The following SMARCAL1 variants were observed in gnomAD, a reference collection of about 807,000 sequenced individuals.
The protein encoded by SMARCAL1 is ATP-driven annealing helicase.
SMARCAL1 carries 58 observed loss-of-function variants against 94.5 expected under a neutral mutation model. The observed-to-expected ratio is 0.61, with a 90% CI of 0.50 to 0.76. The LOEUF (loss-of-function observed/expected upper bound fraction) is 0.76. Ranked by LOEUF, SMARCAL1 falls within the 30% of genes least tolerant of loss-of-function variation. SMARCAL1 has a pLI of 0.00. For missense variants in SMARCAL1, 1,051 were observed against 1,177.9 expected (o/e 0.89, Z 1.58); for synonymous variants, 422 against 455.1 (o/e 0.93, Z 0.93).
At chr2:216,428,015 G>A (rs185484017) in intron 6 of SMARCAL1, among the ~76,000 whole-genome samples, 31 of 152,332 alleles carry the variant, frequency 2.0e-4, no homozygotes, top group African/African-American at 7.0e-4. Flanking sequence ...CTGACTCCCA[G>A]AGTGCCCTTG....
rs369722586 is a variant in SMARCAL1 at position 216,482,990 on chromosome 2, GA to G, written c.*20del. On this transcript the variant is annotated 3_prime_UTR_variant, in exon 18 of 18. Transcript: ENST00000357276. The surrounding 1 kb of genome is among the most constrained non-coding windows in gnomAD (Gnocchi z 4.3). The stretch of plus-strand genomic sequence containing the variant: ...GTCTCCCCTGTAAAAGGGGCAAAAA[GA>G]AAAAAATAAAAAGCATTTTAAAATC... 5.7e-4 allele frequency: 912 copies of G among 1,606,872 alleles called. 3 individuals carry two copies. The African/African-American group carries it at 0.011, about 20-fold the overall frequency.
intron 5 of SMARCAL1, 119 bp downstream of exon 5, chr2:216,420,651 C>G (rs1693699727): frequency 6.5e-6 from 5 of 773,802 alleles, no homozygotes; most frequent in Non-Finnish European, 1.1e-5. Context: ...ACTTCCTGTT[C>G]TGCTCCTCTT....
chr2:216,437,175 AT>A (rs1694098359), intron 9 of SMARCAL1, among the ~76,000 whole-genome samples: 1 of 152,192 alleles, frequency 6.6e-6, no homozygotes, highest in African/African-American at 2.4e-5. Context: ...GTATTGGCAC[AT>A]TTTTACCCAT....
intron 9 of SMARCAL1, among the ~76,000 whole-genome samples, chr2:216,437,461 G>A (rs1373933452): frequency 6.6e-6 from 1 of 152,186 alleles, no homozygotes; most frequent in African/African-American, 2.4e-5. Flanking sequence ...GATCTCACTG[G>A]TATCCCAGCT....
chr2:216,481,986 CACT>C (rs543469395), intron 17 of SMARCAL1, among the ~76,000 whole-genome samples: 59 of 152,148 alleles, frequency 3.9e-4, no homozygotes, highest in Non-Finnish European at 6.9e-4. Flanking sequence ...ATGGTTTTAA[CACT>C]ACACCATTGT....
Position 216,415,364 on chromosome 2 carries a change from A to C in SMARCAL1, c.660A>C (p.Gly220=). ...AGAGTGTAACGCCCAGGACAGAAGG[A>C]AGACTCCAGCAGAAGTCAGGGTCCT... The part of the protein sequence containing the change: ...SSESVTPRTE[G]RLQQKSGSSV... Residue 220 remains glycine (G), a synonymous_variant, in exon 3 of 18, where the codon GGA becomes GGC. Transcript: ENST00000357276. The C allele has an allele frequency of 6.2e-7, 1 of 1,614,234 alleles. No individual in the cohort carries two copies. The highest frequency in any genetic ancestry group is 8.5e-7 in the Non-Finnish European group (1 of 1,180,042).
chr2:216,447,917 G>A (rs1184638291), intron 11 of SMARCAL1, among the ~76,000 whole-genome samples: 14 of 152,178 alleles, frequency 9.2e-5, no homozygotes, highest in Non-Finnish European at 1.9e-4. Flanking sequence ...AGTCACAAAG[G>A]TACTGGCACT....
intron 17 of SMARCAL1, chr2:216,479,373 T>A (rs1435084991): frequency 6.6e-6 from 1 of 151,444 alleles, no homozygotes; most frequent in Non-Finnish European, 1.5e-5. Flanking sequence ...AGGTCAAGGC[T>A]GTAGTTAGCC....
intron 14 of SMARCAL1, among the ~76,000 whole-genome samples, chr2:216,470,436 T>G (rs1694938130): frequency 6.6e-6 from 1 of 151,946 alleles, no homozygotes; most frequent in African/African-American, 2.4e-5. Flanking sequence ...ATTACAGATG[T>G]GAGCCACCAG....
intron 7 of SMARCAL1, among the ~76,000 whole-genome samples, chr2:216,429,039 G>C (rs1261896674): frequency 6.6e-6 from 1 of 152,232 alleles, no homozygotes; most frequent in Non-Finnish European, 1.5e-5. Flanking sequence ...CTTAAGGAAA[G>C]AGATTTCTCA....
intron 10 of SMARCAL1, among the ~76,000 whole-genome samples, chr2:216,444,727 G>A (rs1694266979): frequency 6.6e-6 from 1 of 152,172 alleles, no homozygotes; most frequent in African/African-American, 2.4e-5. Flanking sequence ...ATGTTGGCCA[G>A]GTTGGTCTCG....
intron 16 of SMARCAL1, 64 bp downstream of exon 16, chr2:216,477,273 T>A: frequency 8.3e-7 from 1 of 1,202,786 alleles, no homozygotes; most frequent in South Asian, 1.3e-5. Context: ...ATGATATGTT[T>A]ACTTTGCTCC....
chr2:216,450,470 T>C (rs1316801470), intron 11 of SMARCAL1, among the ~76,000 whole-genome samples: 1 of 152,242 alleles, frequency 6.6e-6, no homozygotes, highest in Non-Finnish European at 1.5e-5. Flanking sequence ...CTCTGTAGGA[T>C]AAGCCATAGG....
intron 12 of SMARCAL1, among the ~76,000 whole-genome samples, chr2:216,459,941 C>A (rs1036967084): frequency 5.3e-5 from 8 of 152,176 alleles, no homozygotes; most frequent in Non-Finnish European, 8.8e-5. Flanking sequence ...ACTCATCTGA[C>A]AAAGGGCTAA....
chr2:216,466,479 T>A (rs1028524737), intron 13 of SMARCAL1, among the ~76,000 whole-genome samples: 1 of 152,176 alleles, frequency 6.6e-6, no homozygotes, highest in Non-Finnish European at 1.5e-5. Flanking sequence ...GAAATTAGAT[T>A]GTATGTCTTC....
intron 12 of SMARCAL1, among the ~76,000 whole-genome samples, chr2:216,452,555 GA>G (rs948753775): frequency 6.7e-6 from 1 of 150,160 alleles, no homozygotes; most frequent in African/African-American, 2.5e-5. Context: ...AGTGTTTCGT[GA>G]GATTCCCCAG....
chr2:216,438,543 A>G, intron 10 of SMARCAL1, 58 bp downstream of exon 10: 1 of 1,483,516 alleles, frequency 6.7e-7, no homozygotes, highest in Non-Finnish European at 9.4e-7. Context: ...TATTTTGCTC[A>G]GGCTTGCATG....
Position 216,475,503 on chromosome 2 carries a change from G to T in SMARCAL1, c.2427+52G>T, listed in dbSNP as rs1240860065. On this transcript the variant is annotated intron_variant, in intron 15 of 17. Transcript: ENST00000357276. The surrounding 1 kb of genome is among the most constrained non-coding windows in gnomAD (Gnocchi z 4.4). ...TCCCCAGGCATGCTCATGGCTGTGG[G>T]CAGGAAGCAGTGAGTGTCGGTCGGG... 6.4e-7 allele frequency: 1 copy of T among 1,571,226 alleles called. No homozygotes were observed. The highest frequency in any genetic ancestry group is 8.8e-7 in the Non-Finnish European group (1 of 1,141,014).
chr2:216,422,107 C>T (rs1462207381), intron 5 of SMARCAL1, among the ~76,000 whole-genome samples: 2 of 152,054 alleles, frequency 1.3e-5, no homozygotes, highest in Non-Finnish European at 2.9e-5. Flanking sequence ...AACTACGGGC[C>T]GGGTGTTGTG....
Sources: allele counts gnomAD v4.1 joint callset (sites outside exome capture counted in the v4.1 genomes callset), GRCh38; gene constraint gnomAD v4.1.1; non-coding constraint Gnocchi (gnomAD v3.1); transcripts MANE v1.5; gene names NCBI Gene and HGNC (gene_info 2026-07-23, HGNC 2026-07-21).